The following LHFPL6 variants were observed in gnomAD, a reference collection of about 807,000 sequenced individuals.
The protein encoded by LHFPL6 is LHFPL tetraspan subfamily member 6 protein.
A neutral mutation model predicts 20.6 loss-of-function variants in LHFPL6; 9 were observed. The ratio of observed to expected loss-of-function variants is 0.44; its 90% CI spans 0.26 to 0.76. The LOEUF (loss-of-function observed/expected upper bound fraction) is 0.76. Among genes scored for constraint, LHFPL6 ranks in the 30% least tolerant of loss-of-function variants. LHFPL6 has a pLI of 0.20. For missense variants in LHFPL6, 218 were observed against 253.5 expected, an observed-to-expected ratio of 0.86 and a Z score of 0.95; for synonymous variants, 105 against 98.7, an observed-to-expected ratio of 1.06 and a Z score of -0.38.
intron 2 of LHFPL6, among the ~76,000 whole-genome samples, chr13:39,427,713 C>T (rs1242249718): frequency 1.3e-5 from 2 of 152,136 alleles, no homozygotes; most frequent in Non-Finnish European, 2.9e-5. Context: ...CACTAGGGTT[C>T]ATGAGTGATA....
At chr13:39,387,209 T>C (rs1419132364) in intron 2 of LHFPL6, among the ~76,000 whole-genome samples, 1 of 152,186 alleles carries the variant, frequency 6.6e-6, no homozygotes, top group East Asian at 1.9e-4. Context: ...GAAAAATGTA[T>C]TTTTGTACAC....
chr13:39,405,861 G>A (rs1428960069), intron 2 of LHFPL6, among the ~76,000 whole-genome samples: 3 of 152,174 alleles, frequency 2.0e-5, no homozygotes, highest in Non-Finnish European at 2.9e-5. Flanking sequence ...AGATTAGTCC[G>A]AGTTGCTCGA....
Position 39,583,296 on chromosome 13 carries a change from C to T in LHFPL6, c.385+17536G>A, listed in dbSNP as rs1431828021. ...CAAGTGATCCTCCCCCCTCAGCCCC[C>T]TGAGTAGCTGGGATCACAGGCACAT... On this transcript the variant is annotated intron_variant, in intron 2 of 3. Coordinates refer to ENST00000379589, the MANE Select transcript of LHFPL6 (RefSeq NM_005780.3). Among the ~76,000 whole-genome samples, 8 of 152,024 alleles carry T rather than the reference C, an allele frequency of 5.3e-5. No individual in the cohort carries two copies. The East Asian group carries it at 1.4e-3, about 26-fold the overall frequency.
At chr13:39,583,911 C>A (rs1164005888) in intron 2 of LHFPL6, among the ~76,000 whole-genome samples, 1 of 152,128 alleles carries the variant, frequency 6.6e-6, no homozygotes, top group Non-Finnish European at 1.5e-5. Context: ...CTCCCTCACA[C>A]CCAAGCGCCT....
At chr13:39,449,439 A>G (rs1872383402) in intron 2 of LHFPL6, among the ~76,000 whole-genome samples, 1 of 152,256 alleles carries the variant, frequency 6.6e-6, no homozygotes, top group Admixed American at 6.5e-5. Flanking sequence ...TAGTATTGAT[A>G]GGAAAAGTAT....
intron 2 of LHFPL6, among the ~76,000 whole-genome samples, chr13:39,408,822 T>TGTAATA (rs1871181622): frequency 6.6e-6 from 1 of 152,210 alleles, no homozygotes; most frequent in African/African-American, 2.4e-5. Context: ...GAACAAAATT[T>TGTAATA]GTAATAGTAA....
intron 2 of LHFPL6, among the ~76,000 whole-genome samples, chr13:39,380,905 C>T (rs1457919304): frequency 6.7e-6 from 1 of 150,356 alleles, no homozygotes; most frequent in Non-Finnish European, 1.5e-5. Context: ...CACTGTCTCC[C>T]ATCACCCTGA....
chr13:39,561,933 CTT>C (rs778967894), intron 2 of LHFPL6, among the ~76,000 whole-genome samples: 18 of 152,358 alleles, frequency 1.2e-4, no homozygotes, highest in Admixed American at 2.6e-4. Flanking sequence ...AAGCTAGAGA[CTT>C]TTTAAAAAAT....
chr13:39,357,655 G>A (rs1232818631), intron 3 of LHFPL6, among the ~76,000 whole-genome samples: 1 of 152,114 alleles, frequency 6.6e-6, no homozygotes. Context: ...TAAAGGTTCA[G>A]GATACAAAAT....
At chr13:39,356,565 A>C (rs888173216) in intron 3 of LHFPL6, among the ~76,000 whole-genome samples, 1 of 152,250 alleles carries the variant, frequency 6.6e-6, no homozygotes, top group African/African-American at 2.4e-5. Flanking sequence ...ACAAAAGATC[A>C]ATCAAACCAA....
At position 39,431,543 on chromosome 13, in the gene LHFPL6, T is replaced by A. The variant is rs564506088; in HGVS notation, c.386-53017A>T. On this transcript the variant is annotated intron_variant, in intron 2 of 3. Coordinates refer to ENST00000379589, the MANE Select transcript of LHFPL6 (RefSeq NM_005780.3). ...TTCTTCTCAACCTTCCAACTTTTCTTATTACTTTGATGTCTAATGGAAATC... is the reference window on the plus strand; with the variant it reads ...TTCTTCTCAACCTTCCAACTTTTCTAATTACTTTGATGTCTAATGGAAATC... Among the ~76,000 whole-genome samples the A allele has an allele frequency of 1.2e-4, 19 of 152,274 alleles. No individual in the cohort carries two copies. In the South Asian group the frequency reaches 3.5e-3, roughly 28 times the overall value.
intron 2 of LHFPL6, among the ~76,000 whole-genome samples, chr13:39,442,913 C>G (rs1007152845): frequency 6.6e-6 from 1 of 152,070 alleles, no homozygotes; most frequent in Admixed American, 6.5e-5. Context: ...CTAACTGAAG[C>G]TTCTTGTCTC....
intron 2 of LHFPL6, among the ~76,000 whole-genome samples, chr13:39,517,921 T>C (rs1869978312): frequency 6.6e-6 from 1 of 152,130 alleles, no homozygotes; most frequent in African/African-American, 2.4e-5. Context: ...ACTCCCACCT[T>C]CTCTGTTCCA....
intron 2 of LHFPL6, among the ~76,000 whole-genome samples, chr13:39,443,385 G>C (rs1481826345): frequency 6.6e-6 from 1 of 152,134 alleles, no homozygotes; most frequent in African/African-American, 2.4e-5. Context: ...AATCTCTGGT[G>C]TTGTGTTATA....
At chr13:39,434,078 T>C (rs1871887876) in intron 2 of LHFPL6, among the ~76,000 whole-genome samples, 1 of 152,184 alleles carries the variant, frequency 6.6e-6, no homozygotes. Context: ...TACCAATGGA[T>C]TCTTTGATTT....
chr13:39,342,943 T>C lies in LHFPL6; in HGVS notation c.*993A>G, dbSNP rs959723448. The C allele has an allele frequency of 1.1e-5, 2 of 182,522 alleles. No homozygotes were observed. The highest frequency in any genetic ancestry group is 2.3e-5 in the Non-Finnish European group (2 of 85,362). The allele number at this position is 182,522 out of a possible 1,614,324, so 11.3% of individuals were successfully genotyped here. A position where few individuals can be genotyped will look rare whatever the true frequency, so the allele number is the denominator to read the frequency against. ...CAGAGATTTTCAAATACAAACAAAA[T>C]AGCACTTTTAAATTTTTTACAAAAT... On this transcript the variant is annotated 3_prime_UTR_variant, in exon 4 of 4. Transcript: ENST00000379589.
intron 2 of LHFPL6, among the ~76,000 whole-genome samples, chr13:39,471,766 G>A (rs1360029395): frequency 2.0e-5 from 3 of 152,202 alleles, no homozygotes; most frequent in Non-Finnish European, 4.4e-5. Flanking sequence ...CAAGGAACTA[G>A]AATTCATTTT....
At chr13:39,428,370 C>G (rs952885876) in intron 2 of LHFPL6, among the ~76,000 whole-genome samples, 6 of 152,156 alleles carry the variant, frequency 3.9e-5, no homozygotes, top group Non-Finnish European at 5.9e-5. Flanking sequence ...AGGTATTTTA[C>G]TACAAATTGA....
chr13:39,362,202 T>C (rs925913076), intron 3 of LHFPL6, among the ~76,000 whole-genome samples: 1 of 152,228 alleles, frequency 6.6e-6, no homozygotes, highest in Admixed American at 6.5e-5. Context: ...GGGGGTGGGC[T>C]TCGCCCTTGC....
Sources: gnomAD v4.1 joint callset for allele counts (sites outside exome capture counted in the v4.1 genomes callset) on GRCh38, gnomAD v4.1.1 for gene constraint, MANE v1.5 for transcripts, NCBI Gene and HGNC (gene_info 2026-07-23, HGNC 2026-07-21) for gene names.